COL2A1: variants seen among roughly 807,000 people sequenced by gnomAD.
COL2A1 encodes collagen alpha-1(II) chain.
In COL2A1, 28 loss-of-function variants were observed where a neutral mutation model predicts 204.5. That is an observed-to-expected ratio of 0.14 (90% CI 0.10 to 0.19). The LOEUF is 0.19. Ranked by LOEUF, COL2A1 falls within the 10% of genes least tolerant of loss-of-function variation. The pLI is 1.00. For missense variants in COL2A1, 1,388 were observed against 2,027.5 expected (o/e 0.68, Z 6.06); for synonymous variants, 708 against 718.7 (o/e 0.99, Z 0.24).
rs1009027005 is a variant in COL2A1, at chr12:47,980,763, G to C, written c.2518-102C>G. ...CTGTGAGTATCTGCGTGTGTGTCCT[G>C]GTCTGGACATGATGGTTCTATTAGT... On this transcript the variant is annotated intron_variant, in intron 38 of 53. Transcript: ENST00000380518. The surrounding 1 kb of genome is among the most constrained non-coding windows in gnomAD (Gnocchi z 4.5). 4.8e-5 allele frequency: 68 copies of C among 1,405,882 alleles called. No individual in the cohort carries two copies. The highest frequency in any genetic ancestry group is 6.5e-5 in the Non-Finnish European group (66 of 1,013,890). 87.1% of individuals were successfully genotyped at this position (1,405,882 alleles called of 1,614,324 possible).
chr12:47,973,232 C>A lies in COL2A1; in HGVS notation c.*175G>T. On this transcript the variant is annotated 3_prime_UTR_variant, in exon 54 of 54. Transcript: ENST00000380518. ...ACCGAGATTTTATTTTGCAGTCTGCCCAGTTCAGGTCTCTTAGAAAGAGAG... is the reference window on the plus strand; with the variant it reads ...ACCGAGATTTTATTTTGCAGTCTGCACAGTTCAGGTCTCTTAGAAAGAGAG... 1 of 791,222 alleles carries A rather than the reference C, an allele frequency of 1.3e-6. No individual in the cohort carries two copies. The highest frequency in any genetic ancestry group is 1.4e-5 in the South Asian group (1 of 70,398). 49.0% of individuals were successfully genotyped at this position (791,222 alleles called of 1,614,324 possible).
Position 47,998,172 on chromosome 12 carries a change from C to T in COL2A1, c.339G>A (p.Lys113=), listed in dbSNP as rs770409945. Residue 113 remains lysine (K), a synonymous_variant, in exon 4 of 54, where the codon AAG becomes AAA. Transcript: ENST00000380518. Reference sequence around the variant, plus strand: ...GGTGAGAATAATTTGCACTTACATCCTTGATGTCTCCAGGTTCTCCTTTCT... The same window carrying T: ...GGTGAGAATAATTTGCACTTACATCTTTGATGTCTCCAGGTTCTCCTTTCT... ...KGQKGEPGDI[K]DIVGPKGPPG... The T allele has an allele frequency of 3.7e-6, 6 of 1,614,144 alleles. No homozygotes were observed. Among genetic ancestry groups the T allele is most frequent in the Non-Finnish European group, 5.1e-6 (6 of 1,180,020 alleles).
chr12:48,004,195 C>T (rs1405669473), intron 1 of COL2A1, 42 bp downstream of exon 1: 1 of 1,367,270 alleles, frequency 7.3e-7, no homozygotes, highest in Admixed American at 2.0e-5. Context: ...CTGAGGGACG[C>T]ATGGAAAGCA....
Position 47,986,553 on chromosome 12 carries a change from G to C in COL2A1, c.1420-110C>G, listed in dbSNP as rs569258249. ...CTTGGCAACTGTTTCAGGGCTGGGG[G>C]GGGGCTTGAGGACGAGAGGCCATAA... is the stretch of plus-strand genomic sequence containing the variant. On this transcript the variant is annotated intron_variant, in intron 22 of 53. Coordinates refer to ENST00000380518, the MANE Select transcript of COL2A1 (RefSeq NM_001844.5). The C allele has an allele frequency of 3.9e-5, 30 of 761,548 alleles. No individual in the cohort carries two copies. In the East Asian group the frequency reaches 5.9e-4, roughly 15 times the overall value. 47.2% of individuals were successfully genotyped at this position (761,548 alleles called of 1,614,324 possible).
At chr12:47,991,298 C>A (rs753261531) in intron 16 of COL2A1, among the ~76,000 whole-genome samples, 2 of 152,192 alleles carry the variant, frequency 1.3e-5, no homozygotes, top group Non-Finnish European at 2.9e-5. Context: ...CCTCTCCCTG[C>A]AGCAAGTCTG....
chr12:47,975,713 G>T, intron 50 of COL2A1, 108 bp from the exon 51 acceptor site: 1 of 1,242,900 alleles, frequency 8.0e-7, no homozygotes, highest in Non-Finnish European at 1.1e-6. Context: ...AGCCCCATGG[G>T]TGGGGCGGAG....
Position 47,980,449 on chromosome 12 carries a change from C to T in COL2A1, c.2625+105G>A, listed in dbSNP as rs148740025. The T allele has an allele frequency of 1.5e-5, 16 of 1,056,290 alleles. No individual in the cohort carries two copies. Among genetic ancestry groups the T allele is most frequent in the East Asian group, 5.2e-5 (2 of 38,730 alleles). The allele number at this position is 1,056,290 out of a possible 1,614,324, so 65.4% of individuals were successfully genotyped here. On this transcript the variant is annotated intron_variant, in intron 39 of 53. Coordinates refer to ENST00000380518, the MANE Select transcript of COL2A1 (RefSeq NM_001844.5). This position sits in a 1 kb window ranked among gnomAD's most constrained non-coding sequence, Gnocchi z 4.5. Reference sequence around the variant, plus strand: ...CTCCTTCTACCAACATGGGGGTGTTCCCAGGCCTGCGAACCATCCTCTGCG... The same window carrying T: ...CTCCTTCTACCAACATGGGGGTGTTTCCAGGCCTGCGAACCATCCTCTGCG...
rs796690742 is a variant in COL2A1 at position 47,999,826 on chromosome 12, T to A, written c.292+93A>T. 61 of 1,145,038 alleles carry A rather than the reference T, an allele frequency of 5.3e-5. No homozygotes were observed. In the East Asian group the frequency reaches 1.2e-3, roughly 22 times the overall value. The allele number at this position is 1,145,038 out of a possible 1,614,324, so 70.9% of individuals were successfully genotyped here. A position where few individuals can be genotyped will look rare whatever the true frequency, so the allele number is the denominator to read the frequency against. On this transcript the variant is annotated intron_variant, in intron 2 of 53. Transcript: ENST00000380518. The stretch of plus-strand genomic sequence containing the variant: ...AGGTCCCATGGATAACTAGCCCCTC[T>A]GCTTTGCAGAGACGACCAGCATCTA...
intron 50 of COL2A1, 100 bp downstream of exon 50, chr12:47,975,863 T>C (rs1197580957): frequency 1.1e-5 from 10 of 942,718 alleles, no homozygotes; most frequent in Non-Finnish European, 1.8e-5. Flanking sequence ...CACTGTTAGC[T>C]GCAGGCTGAT....
At chr12:47,981,748 T>C (rs1472014356) in intron 36 of COL2A1, 28 bp downstream of exon 36, 51 of 1,549,988 alleles carry the variant, frequency 3.3e-5, no homozygotes, top group Non-Finnish European at 4.4e-5. Context: ...GGAGGCAAGG[T>C]GTGGAGAGGA....
In COL2A1 at chr12:47,978,752, G is replaced by A; in HGVS notation, c.2740C>T (p.Pro914Ser). 1.2e-6 allele frequency: 2 copies of A among 1,612,876 alleles called. No individual in the cohort carries two copies. The highest frequency in any genetic ancestry group is 1.7e-6 in the Non-Finnish European group (2 of 1,179,948). ...GGACCAGGGGGACCAGGGGGTCCAG[G>A]GTTGCCCTAGAAGGAGAAAATGCGG... ...RVGPPGSNGN[P>S]GPPGPPGPSG... Residue 914 changes from proline to serine, a missense_variant, in exon 42 of 54, where the codon CCT becomes TCT. Transcript: ENST00000380518. The surrounding 1 kb of genome is among the most constrained non-coding windows in gnomAD (Gnocchi z 5.5).
Position 47,976,053 on chromosome 12 carries a change from G to A in COL2A1, c.3507C>T (p.Val1169=), listed in dbSNP as rs371633786. 3.3e-5 allele frequency: 54 copies of A among 1,612,870 alleles called. No individual in the cohort carries two copies. Among genetic ancestry groups the A allele is most frequent in the Middle Eastern group, 1.6e-4 (1 of 6,080 alleles). Residue 1169 remains valine, a synonymous_variant, in exon 50 of 54, where the codon GTC becomes GTT. Coordinates refer to ENST00000380518, the MANE Select transcript of COL2A1 (RefSeq NM_001844.5). The surrounding 1 kb of genome is among the most constrained non-coding windows in gnomAD (Gnocchi z 4.3). The part of the protein sequence containing the change: ...PSGPRGPPGP[V]GPSGKDGANG... Reference sequence around the variant, plus strand: ...TAGCACCATCTTTGCCAGAGGGACCGACGGGGCCAGGAGGACCCTGCAAGA... The same window carrying A: ...TAGCACCATCTTTGCCAGAGGGACCAACGGGGCCAGGAGGACCCTGCAAGA...
At chr12:47,982,986 T>G (rs766090259) in intron 32 of COL2A1, 40 bp from the exon 33 acceptor site, 8 of 1,606,784 alleles carry the variant, frequency 5.0e-6, no homozygotes, top group South Asian at 4.4e-5. Context: ...CCAACAGCAG[T>G]GGGGGAGAAG....
Position 47,974,586 on chromosome 12 carries a change from G to A in COL2A1, c.4074+89C>T, listed in dbSNP as rs1938600232. On this transcript the variant is annotated intron_variant, in intron 52 of 53. Transcript: ENST00000380518. ...CAACAGAAAACTGGAGGAAAATATG[G>A]GGAAGGTGCTAAAAGCTTCCAGGGA... The A allele has an allele frequency of 4.2e-6, 6 of 1,444,722 alleles. No individual in the cohort carries two copies. In the South Asian group the frequency reaches 6.9e-5, roughly 17 times the overall value. 89.5% of individuals were successfully genotyped at this position (1,444,722 alleles called of 1,614,324 possible). A position where few individuals can be genotyped will look rare whatever the true frequency, so the allele number is the denominator to read the frequency against.
intron 16 of COL2A1, among the ~76,000 whole-genome samples, chr12:47,990,665 CA>C (rs140425109): frequency 0.016 from 2,410 of 152,336 alleles, 59 homozygotes; most frequent in African/African-American, 0.055. Context: ...AGCCACAGCT[CA>C]AACACTACAT....
At chr12:47,984,232 G>A (rs1939259023) in intron 28 of COL2A1, 92 bp from the exon 29 acceptor site, 4 of 1,207,728 alleles carry the variant, frequency 3.3e-6, no homozygotes, top group Admixed American at 2.0e-5. Context: ...CTGGCCCAGA[G>A]TTTCCAGACC....
In COL2A1 at chr12:47,992,950, C is replaced by T. The variant is rs1020671021; in HGVS notation, c.970-19G>A. ...GAGGACCCTGGAACACACACCAGGACAGCCTAAGCATGAGTTGGCTTTACG... is the reference window on the plus strand; with the variant it reads ...GAGGACCCTGGAACACACACCAGGATAGCCTAAGCATGAGTTGGCTTTACG... On this transcript the variant is annotated intron_variant, in intron 15 of 53. Coordinates refer to ENST00000380518, the MANE Select transcript of COL2A1 (RefSeq NM_001844.5). 9.3e-6 allele frequency: 15 copies of T among 1,613,872 alleles called. No individual in the cohort carries two copies. The highest frequency in any genetic ancestry group is 1.3e-5 in the African/African-American group (1 of 75,040).
intron 50 of COL2A1, 49 bp downstream of exon 50, chr12:47,975,914 C>T: frequency 4.9e-6 from 7 of 1,437,780 alleles, no homozygotes; most frequent in Non-Finnish European, 5.9e-6. Flanking sequence ...CTCAAGCCTC[C>T]CGGATGGTAG....
rs550582026 is a variant in COL2A1, at chr12:47,975,894, C to T, written c.3597+69G>A. ...CTGATGCCCTAAAAGAGGCCCTGAG[C>T]AAAAAAGAGCTCAAGCCTCCCGGAT... On this transcript the variant is annotated intron_variant, in intron 50 of 53. Coordinates refer to ENST00000380518, the MANE Select transcript of COL2A1 (RefSeq NM_001844.5). 108 of 1,239,444 alleles carry T rather than the reference C, an allele frequency of 8.7e-5. No homozygotes were observed. The African/African-American group carries it at 1.4e-3, about 16-fold the overall frequency. 76.8% of individuals were successfully genotyped at this position (1,239,444 alleles called of 1,614,324 possible).
Sources: allele counts gnomAD v4.1 joint callset (sites outside exome capture counted in the v4.1 genomes callset), GRCh38; gene constraint gnomAD v4.1.1; non-coding constraint Gnocchi (gnomAD v3.1); transcripts MANE v1.5; gene names NCBI Gene and HGNC (gene_info 2026-07-23, HGNC 2026-07-21).